The following CAST variants were observed in gnomAD, a reference collection of about 807,000 sequenced individuals.
CAST encodes the protein MIR583 host.
A neutral mutation model predicts 119.6 loss-of-function variants in CAST; 76 were observed. The ratio of observed to expected loss-of-function variants is 0.64; its 90% CI spans 0.53 to 0.77. CAST has a LOEUF of 0.77. Among genes scored for constraint, CAST ranks in the 30% least tolerant of loss-of-function variants. The pLI is 0.00. For synonymous variants in CAST, 319 were observed against 331.6 expected (o/e 0.96, Z 0.41); for missense variants, 953 against 946.5 (o/e 1.01, Z -0.09).
chr5:96,768,142 G>A, intron 29 of CAST, 143 bp downstream of exon 29: 1 of 678,452 alleles, frequency 1.5e-6, no homozygotes, highest in Non-Finnish European at 2.6e-6. Context: ...GGAGTGCAGT[G>A]GTGTGATCTC....
chr5:96,722,170 A>T (rs1758396410), intron 3 of CAST, among the ~76,000 whole-genome samples: 1 of 152,222 alleles, frequency 6.6e-6, no homozygotes, highest in Non-Finnish European at 1.5e-5. Flanking sequence ...ATGTAAATGG[A>T]CCTGGAAGAC....
the CAST span, among the ~76,000 whole-genome samples, chr5:96,478,292 T>G: frequency 6.6e-6 from 1 of 152,236 alleles, no homozygotes; most frequent in African/African-American, 2.4e-5. Context: ...AAAAAACTTA[T>G]AGGATTAAAA....
At chr5:96,651,287 T>C (rs1318396685) in intron 1 of CAST, among the ~76,000 whole-genome samples, 2 of 152,212 alleles carry the variant, frequency 1.3e-5, no homozygotes, top group Non-Finnish European at 2.9e-5. Context: ...CTGCAGAGGA[T>C]GAACCTTCAG....
At chr5:96,290,350 G>T in the CAST span, among the ~76,000 whole-genome samples, 1 of 152,168 alleles carries the variant, frequency 6.6e-6, no homozygotes, top group Non-Finnish European at 1.5e-5. Context: ...TCTTTACCAG[G>T]CTCTAAGTTA....
chr5:95,998,546 C>A, the CAST span, among the ~76,000 whole-genome samples: 1 of 152,152 alleles, frequency 6.6e-6, no homozygotes, highest in Non-Finnish European at 1.5e-5. Context: ...TTCACTTAGA[C>A]TAATGGCCTC....
chr5:96,071,834 TATTTGG>T, the CAST span, among the ~76,000 whole-genome samples: 1 of 152,174 alleles, frequency 6.6e-6, no homozygotes, highest in East Asian at 1.9e-4. Context: ...TAATTCAAAA[TATTTGG>T]AAGTGGGGGC....
rs1485638129 is a variant in CAST at position 96,574,151 on chromosome 5, G to A, written c.60+44271G>A. Among the ~76,000 whole-genome samples, 10 of 27,500 alleles carry A rather than the reference G, an allele frequency of 3.6e-4. 5 individuals carry two copies. In the South Asian group the frequency reaches 0.022, roughly 61 times the overall value. 18.0% of individuals were successfully genotyped at this position (27,500 alleles called of 152,430 possible). The stretch of plus-strand genomic sequence containing the variant: ...CGGCTCACTGCAAGCTCCGCTTCCC[G>A]GGTTCACGCCATTCTCCTGCCTCAG... On this transcript the variant is annotated intron_variant, in intron 1 of 11. Transcript: ENST00000505143.
At chr5:96,310,833 C>A in the CAST span, among the ~76,000 whole-genome samples, 1 of 149,304 alleles carries the variant, frequency 6.7e-6, no homozygotes, top group Admixed American at 6.6e-5. Flanking sequence ...GTTAGTCTAG[C>A]CAAAGGTTTG....
chr5:95,968,011 G>T, the CAST span, among the ~76,000 whole-genome samples: 1 of 152,136 alleles, frequency 6.6e-6, no homozygotes, highest in Non-Finnish European at 1.5e-5. Flanking sequence ...ACAGAGCCAG[G>T]CTAGAACCTG....
chr5:96,467,816 A>G, the CAST span, among the ~76,000 whole-genome samples: 1 of 152,100 alleles, frequency 6.6e-6, no homozygotes, highest in South Asian at 2.1e-4. Flanking sequence ...TCTATAAAAA[A>G]ACAATACGGA....
At chr5:96,082,070 C>T in the CAST span, among the ~76,000 whole-genome samples, 777 of 152,246 alleles carry the variant, frequency 5.1e-3, 6 homozygotes, top group Non-Finnish European at 6.5e-3. Context: ...CACGCTACCA[C>T]ACCTGGCTAA....
chr5:96,405,515 G>A, the CAST span, among the ~76,000 whole-genome samples: 1 of 152,018 alleles, frequency 6.6e-6, no homozygotes, highest in South Asian at 2.1e-4. Flanking sequence ...AAAAAAGAAG[G>A]ATCAAATTAG....
At chr5:96,718,557 G>A (rs769716114) in intron 3 of CAST, among the ~76,000 whole-genome samples, 8 of 149,770 alleles carry the variant, frequency 5.3e-5, no homozygotes, top group African/African-American at 2.0e-4. Flanking sequence ...AAAAAAAAAA[G>A]AATACAGAGA....
At chr5:96,020,013 T>G in the CAST span, among the ~76,000 whole-genome samples, 2 of 152,228 alleles carry the variant, frequency 1.3e-5, no homozygotes, top group Non-Finnish European at 2.9e-5. Flanking sequence ...ATTCATTTTT[T>G]TCTATATATA....
the CAST span, among the ~76,000 whole-genome samples, chr5:96,459,787 G>C: frequency 1.3e-5 from 2 of 152,166 alleles, no homozygotes; most frequent in Non-Finnish European, 2.9e-5. Flanking sequence ...CATTGTGTTT[G>C]CTTGTGTAAT....
chr5:96,572,288 C>A (rs754223610), intron 1 of CAST, among the ~76,000 whole-genome samples: 2 of 151,916 alleles, frequency 1.3e-5, no homozygotes, highest in African/African-American at 4.8e-5. Flanking sequence ...GCAACCTCTG[C>A]CTCCTGGGTT....
the CAST span, among the ~76,000 whole-genome samples, chr5:96,084,786 G>T: frequency 6.6e-6 from 1 of 152,202 alleles, no homozygotes; most frequent in South Asian, 2.1e-4. Flanking sequence ...GCTTGGGTCA[G>T]ATCTCCAGCC....
At chr5:96,676,727 AAC>A (rs1750756002) in intron 2 of CAST, among the ~76,000 whole-genome samples, 1 of 151,742 alleles carries the variant, frequency 6.6e-6, no homozygotes, top group African/African-American at 2.4e-5. Flanking sequence ...TAAAAAAAAA[AAC>A]CACAAATTTT....
At chr5:96,244,282 G>A in the CAST span, among the ~76,000 whole-genome samples, 1 of 152,142 alleles carries the variant, frequency 6.6e-6, no homozygotes, top group Non-Finnish European at 1.5e-5. Context: ...AAGATTTCAG[G>A]AAAGCTCCAA....
Sources: allele counts gnomAD v4.1 joint callset (sites outside exome capture counted in the v4.1 genomes callset), GRCh38; gene constraint gnomAD v4.1.1; transcripts MANE v1.5; gene names NCBI Gene and HGNC (gene_info 2026-07-23, HGNC 2026-07-21).